Variants in CTNNA3 observed in about 807,000 individuals in gnomAD.
The protein encoded by CTNNA3 is catenin alpha-3.
A neutral mutation model predicts 95.7 loss-of-function variants in CTNNA3; 76 were observed. The ratio of observed to expected loss-of-function variants is 0.79; its 90% CI spans 0.66 to 0.96. The LOEUF is 0.96. Among genes scored for constraint, CTNNA3 ranks in the 40% least tolerant of loss-of-function variants. The pLI is 0.00. For synonymous variants in CTNNA3, 431 were observed against 374.4 expected (o/e 1.15, Z -1.74); for missense variants, 1,191 against 1,089.8 (o/e 1.09, Z -1.31).
At chr10:67,718,534 C>G (rs893457205) in intron 1 of CTNNA3, among the ~76,000 whole-genome samples, 6 of 152,102 alleles carry the variant, frequency 3.9e-5, no homozygotes, top group Admixed American at 6.6e-5. Context: ...TAAATTTTAT[C>G]GAAGGCCTTT....
intron 13 of CTNNA3, among the ~76,000 whole-genome samples, chr10:66,201,687 C>A (rs1026112041): frequency 6.6e-6 from 1 of 151,972 alleles, no homozygotes; most frequent in African/African-American, 2.4e-5. Flanking sequence ...CCAAAGCTTG[C>A]CTGCTGTTTC....
intron 15 of CTNNA3, among the ~76,000 whole-genome samples, chr10:66,001,018 G>A (rs2078759695): frequency 6.6e-6 from 1 of 152,134 alleles, no homozygotes. Flanking sequence ...ACAGATTGAA[G>A]ACCAGGGTTA....
intron 7 of CTNNA3, chr10:66,926,101 GC>G: frequency 2.2e-6 from 1 of 458,340 alleles, no homozygotes; most frequent in Non-Finnish European, 4.4e-6. Context: ...GCGGTACGGG[GC>G]TCTCCTGCCT....
chr10:66,199,508 C>A (rs1012182397), intron 13 of CTNNA3, among the ~76,000 whole-genome samples: 1 of 151,134 alleles, frequency 6.6e-6, no homozygotes, highest in Admixed American at 6.6e-5. Context: ...TATGTATGGT[C>A]TTTACATTTT....
intron 5 of CTNNA3, among the ~76,000 whole-genome samples, chr10:67,235,425 A>G (rs1309924840): frequency 1.3e-5 from 2 of 152,334 alleles, no homozygotes; most frequent in Non-Finnish European, 2.9e-5. Context: ...AGTATTCCCT[A>G]TTTAATAAAT....
At chr10:66,404,607 C>T (rs974506174) in intron 11 of CTNNA3, among the ~76,000 whole-genome samples, 2 of 152,124 alleles carry the variant, frequency 1.3e-5, no homozygotes, top group East Asian at 1.9e-4. Context: ...AACACTTTGC[C>T]TAATGTTATT....
intron 4 of CTNNA3, among the ~76,000 whole-genome samples, chr10:67,527,601 G>C (rs1008931202): frequency 3.3e-5 from 5 of 152,196 alleles, no homozygotes; most frequent in African/African-American, 9.7e-5. Context: ...TAAGACCAGA[G>C]CTTTCAATGA....
chr10:65,925,821 A>G (rs927877490), intron 17 of CTNNA3, among the ~76,000 whole-genome samples: 1 of 152,144 alleles, frequency 6.6e-6, no homozygotes, highest in Non-Finnish European at 1.5e-5. Flanking sequence ...ATATCTTAAA[A>G]CATAGCCAGA....
chr10:66,265,157 C>T (rs186381863), intron 13 of CTNNA3, among the ~76,000 whole-genome samples: 5 of 152,126 alleles, frequency 3.3e-5, no homozygotes, highest in Middle Eastern at 6.8e-3. Context: ...ATTTTCCCAC[C>T]TTGAGTTATC....
chr10:67,633,173 C>A (rs1021814866), intron 2 of CTNNA3, among the ~76,000 whole-genome samples: 1 of 152,124 alleles, frequency 6.6e-6, no homozygotes, highest in Non-Finnish European at 1.5e-5. Context: ...AGGGTGGGAC[C>A]TCCCTGTGGG....
chr10:66,160,222 T>C (rs532554292), intron 13 of CTNNA3, among the ~76,000 whole-genome samples: 18 of 152,172 alleles, frequency 1.2e-4, no homozygotes, highest in African/African-American at 3.9e-4. Flanking sequence ...CTGCTGGGTT[T>C]GGGTTTGATT....
chr10:66,879,589 T>C (rs1215755548), intron 7 of CTNNA3, among the ~76,000 whole-genome samples: 1 of 152,102 alleles, frequency 6.6e-6, no homozygotes, highest in African/African-American at 2.4e-5. Context: ...GCAAGTGACC[T>C]AGTAGAAGAG....
At chr10:67,345,653 T>C (rs1036302078) in intron 5 of CTNNA3, among the ~76,000 whole-genome samples, 1 of 152,134 alleles carries the variant, frequency 6.6e-6, no homozygotes, top group African/African-American at 2.4e-5. Flanking sequence ...ACTTCTGCTC[T>C]TTTTTAGTTT....
At chr10:67,239,844 C>T (rs1865650716) in intron 5 of CTNNA3, among the ~76,000 whole-genome samples, 1 of 151,964 alleles carries the variant, frequency 6.6e-6, no homozygotes, top group Non-Finnish European at 1.5e-5. Flanking sequence ...CCTGTATCCA[C>T]TTTGAGGGCT....
chr10:66,674,322 A>G (rs577960705), intron 9 of CTNNA3, among the ~76,000 whole-genome samples: 2 of 151,940 alleles, frequency 1.3e-5, no homozygotes, highest in African/African-American at 4.8e-5. Context: ...TATTTCTTCA[A>G]AACAATGGTC....
chr10:66,420,827 A>G (rs773924398), intron 11 of CTNNA3, among the ~76,000 whole-genome samples: 1 of 66,636 alleles, frequency 1.5e-5, no homozygotes, highest in African/African-American at 8.7e-5. Flanking sequence ...ATAAATAAAT[A>G]AATAAATAAA....
At chr10:66,686,701 T>C (rs974185531) in intron 9 of CTNNA3, among the ~76,000 whole-genome samples, 1 of 152,150 alleles carries the variant, frequency 6.6e-6, no homozygotes, top group African/African-American at 2.4e-5. Context: ...GGAAAGAATG[T>C]TCTTGAAGCA....
Position 66,303,089 on chromosome 10 carries a change from G to A in CTNNA3, c.1733-22468C>T, listed in dbSNP as rs186591145. 9.3e-4 allele frequency among the ~76,000 whole-genome samples: 142 copies of A among 152,106 alleles called. 1 individual carries two copies. Among genetic ancestry groups the A allele is most frequent in the South Asian group, 8.9e-3 (43 of 4,818 alleles). On this transcript the variant is annotated intron_variant, in intron 12 of 17. Transcript: ENST00000433211. The stretch of plus-strand genomic sequence containing the variant: ...CATAGCACATTCACAAAAATTTACC[G>A]CAAACGTGATATTCAAATGTAAAAT...
At chr10:66,693,317 T>C (rs1291226368) in intron 9 of CTNNA3, among the ~76,000 whole-genome samples, 1 of 146,264 alleles carries the variant, frequency 6.8e-6, no homozygotes, top group African/African-American at 2.6e-5. Context: ...AATCCTAGTC[T>C]CTGATAAAAC....
Sources: allele counts gnomAD v4.1 joint callset (sites outside exome capture counted in the v4.1 genomes callset), GRCh38; gene constraint gnomAD v4.1.1; transcripts MANE v1.5; gene names NCBI Gene and HGNC (gene_info 2026-07-23, HGNC 2026-07-21).